The following HCK variants were observed in gnomAD, a reference collection of about 807,000 sequenced individuals.
The protein encoded by HCK is HCK proto-oncogene, Src family tyrosine kinase, also known as tyrosine-protein kinase HCK.
In HCK, 40 loss-of-function variants were observed where a neutral mutation model predicts 70.4. That is an observed-to-expected ratio of 0.57 (90% confidence interval 0.44 to 0.74). HCK has a LOEUF of 0.74. HCK is among the 30% of genes least tolerant of loss of function. The pLI, the probability that HCK is intolerant of heterozygous loss-of-function variation, is 0.00. For synonymous variants in HCK, 245 were observed against 263.2 expected (o/e 0.93, Z 0.67); for missense variants, 568 against 697.2 (o/e 0.81, Z 2.09).
intron 1 of HCK, among the ~76,000 whole-genome samples, chr20:32,060,371 C>A (rs1225337810): frequency 6.6e-6 from 1 of 152,178 alleles, no homozygotes; most frequent in Non-Finnish European, 1.5e-5. Flanking sequence ...CAGGCACCCA[C>A]TACCACGCCC....
At chr20:32,052,790 GGC>G (rs71708551) in intron 1 of HCK, among the ~76,000 whole-genome samples, 7,819 of 117,210 alleles carry the variant, frequency 0.067, 928 homozygotes, top group African/African-American at 0.18. Flanking sequence ...CTTGGGGGGG[GGC>G]GGGGATTTTT....
chr20:32,101,480 C>T lies in HCK; in HGVS notation c.1542C>T (p.Phe514=), dbSNP rs1471454406. The T allele has an allele frequency of 6.2e-7, 1 of 1,613,764 alleles. No individual in the cohort carries two copies. Among genetic ancestry groups the T allele is most frequent in the Non-Finnish European group, 8.5e-7 (1 of 1,179,936 alleles). The change falls in exon 13 of 13, where the codon TTC becomes TTT. Residue 514 remains phenylalanine (F), a synonymous_variant. Transcript: ENST00000375852. ...ACATCCAGAGTGTGCTGGATGACTT[C>T]TACACGGCCACAGAGAGCCAGTACC...
intron 1 of HCK, among the ~76,000 whole-genome samples, chr20:32,052,701 T>C (rs1346823936): frequency 6.7e-6 from 1 of 148,214 alleles, no homozygotes; most frequent in Non-Finnish European, 1.5e-5. Context: ...TGCGGACTGC[T>C]GGATTCCCGG....
intron 1 of HCK, among the ~76,000 whole-genome samples, chr20:32,061,264 G>A (rs766143125): frequency 6.6e-6 from 1 of 152,242 alleles, no homozygotes; most frequent in Non-Finnish European, 1.5e-5. Context: ...TTACAGGCGT[G>A]AGCCACTGCG....
chr20:32,088,794 A>T (rs2045825467), intron 10 of HCK, 150 bp downstream of exon 10: 1 of 615,068 alleles, frequency 1.6e-6, no homozygotes, highest in East Asian at 2.9e-5. Context: ...TTTTTTGCAT[A>T]TATTTTATTA....
chr20:32,090,522 G>C (rs986969881), intron 10 of HCK, among the ~76,000 whole-genome samples: 1 of 152,152 alleles, frequency 6.6e-6, no homozygotes, highest in Non-Finnish European at 1.5e-5. Flanking sequence ...ACTGAAGCAG[G>C]GTGGGGGGCT....
At chr20:32,092,848 T>C (rs1472591822) in intron 10 of HCK, among the ~76,000 whole-genome samples, 1 of 152,194 alleles carries the variant, frequency 6.6e-6, no homozygotes, top group Non-Finnish European at 1.5e-5. Context: ...ATTATCATCA[T>C]TCAGATCTTT....
At chr20:32,083,829 G>A in intron 6 of HCK, 65 bp from the exon 7 acceptor site, 1 of 1,579,560 alleles carries the variant, frequency 6.3e-7, no homozygotes, top group Non-Finnish European at 8.7e-7. Context: ...GGGTGTCAGA[G>A]TGCTAATGCA....
At chr20:32,093,513 G>GTGTGTGTGTA (rs2045892399) in intron 10 of HCK, among the ~76,000 whole-genome samples, 1 of 152,062 alleles carries the variant, frequency 6.6e-6, no homozygotes, top group African/African-American at 2.4e-5. Flanking sequence ...GTGTGTGTGT[G>GTGTGTGTGTA]TGTGTGTGTG....
intron 1 of HCK, among the ~76,000 whole-genome samples, chr20:32,053,201 T>A (rs1426730276): frequency 1.3e-5 from 2 of 151,932 alleles, no homozygotes; most frequent in Non-Finnish European, 2.9e-5. Flanking sequence ...GACAGGCTAG[T>A]GGGTAGCGGA....
intron 1 of HCK, among the ~76,000 whole-genome samples, chr20:32,056,887 C>A (rs1474128147): frequency 6.6e-6 from 1 of 152,188 alleles, no homozygotes; most frequent in Non-Finnish European, 1.5e-5. Flanking sequence ...TGGCACCTGG[C>A]ACATAGTAGG....
Position 32,086,737 on chromosome 20 carries a change from C to T in HCK, c.945C>T (p.Asp315=). 5 of 1,609,488 alleles carry T rather than the reference C, an allele frequency of 3.1e-6. No homozygotes were observed. The highest frequency in any genetic ancestry group is 4.2e-6 in the Non-Finnish European group (5 of 1,177,816). Reference sequence around the variant, plus strand: ...ACGTGATGAAAACTCTGCAGCATGACAAGCTGGTCAAACTTCATGCGGTGG... The same window carrying T: ...ACGTGATGAAAACTCTGCAGCATGATAAGCTGGTCAAACTTCATGCGGTGG... The change falls in exon 9 of 13, where the codon GAC becomes GAT. Residue 315 remains aspartate (D), a synonymous_variant. Coordinates refer to ENST00000375852, the MANE Select transcript of HCK (RefSeq NM_002110.5).
intron 6 of HCK, among the ~76,000 whole-genome samples, chr20:32,080,150 G>A (rs139444548): frequency 1.2e-4 from 19 of 152,330 alleles, no homozygotes; most frequent in African/African-American, 4.6e-4. Context: ...ACATCCAGCT[G>A]AAGCTTGATC....
Position 32,058,605 on chromosome 20 carries a change from AACACAC to A in HCK, c.62+6149_62+6154del, listed in dbSNP as rs60349531. 6.8e-3 allele frequency among the ~76,000 whole-genome samples: 966 copies of A among 142,430 alleles called. 8 individuals carry two copies. The highest frequency in any genetic ancestry group is 0.02 in the African/African-American group (773 of 38,268). 93.4% of individuals were successfully genotyped at this position (142,430 alleles called of 152,430 possible). Reference sequence around the variant, plus strand: ...TGCAGCACAATTCCTTTTATGTCAAAACACACACACACACACACACACACACACACA... The same window carrying A: ...TGCAGCACAATTCCTTTTATGTCAAAACACACACACACACACACACACACA... On this transcript the variant is annotated intron_variant, in intron 1 of 12. Transcript: ENST00000375852.
chr20:32,099,047 C>A lies in HCK; in HGVS notation c.1290C>A (p.Asn430Lys). The A allele has an allele frequency of 1.2e-6, 2 of 1,614,158 alleles. No homozygotes were observed. Among genetic ancestry groups the A allele is most frequent in the East Asian group, 4.5e-5 (2 of 44,868 alleles). Residue 430 changes from asparagine (N) to lysine (K), a missense_variant, in exon 12 of 13, where the codon AAC becomes AAA. By Grantham distance (94) the Asn-to-Lys change is moderately conservative (BLOSUM62 0). Transcript: ENST00000375852. ...AGTGGACAGCTCCTGAAGCCATCAA[C>A]TTTGGCTCCTTCACCATCAAGTCAG... is the stretch of plus-strand genomic sequence containing the variant.
intron 6 of HCK, among the ~76,000 whole-genome samples, chr20:32,080,794 T>G (rs1192358774): frequency 6.6e-6 from 1 of 152,100 alleles, no homozygotes; most frequent in East Asian, 1.9e-4. Flanking sequence ...CTACAAAGTG[T>G]CAGGATTGTT....
intron 5 of HCK, among the ~76,000 whole-genome samples, chr20:32,078,797 C>T (rs996658127): frequency 1.6e-4 from 22 of 133,552 alleles, no homozygotes; most frequent in Non-Finnish European, 9.1e-5. Flanking sequence ...GCAGAGGTTT[C>T]AGTGAGCCCA....
intron 12 of HCK, among the ~76,000 whole-genome samples, chr20:32,099,362 T>C (rs1261403136): frequency 1.4e-5 from 2 of 141,810 alleles, no homozygotes; most frequent in African/African-American, 5.5e-5. Context: ...TTTTTTTTTT[T>C]TTTTTTTTTT....
At chr20:32,077,381 G>A (rs144486157) in intron 5 of HCK, among the ~76,000 whole-genome samples, 4 of 152,136 alleles carry the variant, frequency 2.6e-5, no homozygotes, top group East Asian at 1.9e-4. Flanking sequence ...CCAGTTTCTC[G>A]TGAGTCCTCC....
Sources: gnomAD v4.1 joint callset for allele counts (sites outside exome capture counted in the v4.1 genomes callset) on GRCh38, gnomAD v4.1.1 for gene constraint, MANE v1.5 for transcripts, NCBI Gene and HGNC (gene_info 2026-07-23, HGNC 2026-07-21) for gene names.